The following OTUD7A variants were observed in gnomAD, a reference collection of about 807,000 sequenced individuals.
OTUD7A encodes OTU deubiquitinase 7A, also known as OTU domain-containing protein 7A.
Under a neutral mutation model 65.7 loss-of-function variants are expected in OTUD7A, and 12 were observed. The ratio of observed to expected loss-of-function variants is 0.18; its 90% CI spans 0.12 to 0.30. The LOEUF (loss-of-function observed/expected upper bound fraction) is 0.30. OTUD7A is among the 10% of genes least tolerant of loss of function. OTUD7A has a pLI of 1.00. For missense variants in OTUD7A, 1,148 were observed against 1,304.8 expected, an observed-to-expected ratio of 0.88 and a Z score of 1.85; for synonymous variants, 641 against 586.3, an observed-to-expected ratio of 1.09 and a Z score of -1.35.
intron 1 of OTUD7A, among the ~76,000 whole-genome samples, chr15:31,741,980 A>G (rs113338224): frequency 9.9e-5 from 15 of 152,132 alleles, no homozygotes; most frequent in Admixed American, 1.3e-4. Context: ...TAACGGACAC[A>G]GTCCTAGAAA....
At chr15:31,606,986 T>C (rs369501549) in intron 3 of OTUD7A, among the ~76,000 whole-genome samples, 1 of 152,174 alleles carries the variant, frequency 6.6e-6, no homozygotes, top group East Asian at 1.9e-4. Flanking sequence ...CTTCTGGAAA[T>C]GGTGGAGTAG....
intron 3 of OTUD7A, among the ~76,000 whole-genome samples, chr15:31,585,743 T>C (rs1308059777): frequency 6.6e-6 from 1 of 152,172 alleles, no homozygotes; most frequent in Non-Finnish European, 1.5e-5. Context: ...TGTATACATA[T>C]ATGTGTATAC....
At chr15:31,753,687 A>ATATATATATATAT (rs1894706828) in intron 1 of OTUD7A, among the ~76,000 whole-genome samples, 10 of 13,556 alleles carry the variant, frequency 7.4e-4, no homozygotes, top group South Asian at 3.8e-3. Context: ...AACCTGTGAG[A>ATATATATATATAT]TATATATATA....
At chr15:31,767,472 G>A (rs1313921119) in intron 1 of OTUD7A, 44 of 773,048 alleles carry the variant, frequency 5.7e-5, no homozygotes, top group Non-Finnish European at 9.7e-5. Context: ...CTTCATGGCA[G>A]ATAATACCCA....
intron 1 of OTUD7A, among the ~76,000 whole-genome samples, chr15:31,764,648 A>T (rs1314126037): frequency 2.0e-5 from 3 of 152,178 alleles, no homozygotes; most frequent in Non-Finnish European, 2.9e-5. Context: ...AAATGTTTAT[A>T]AAAAGCATTT....
At chr15:31,842,641 T>C (rs1281892571) in intron 1 of OTUD7A, among the ~76,000 whole-genome samples, 1 of 152,134 alleles carries the variant, frequency 6.6e-6, no homozygotes, top group Admixed American at 6.5e-5. Flanking sequence ...AAACGCACTC[T>C]GAATTCTGAC....
Position 31,571,149 on chromosome 15 carries a change from A to G in OTUD7A, c.152-952T>C, listed in dbSNP as rs533897487. On this transcript the variant is annotated intron_variant, in intron 3 of 12. Transcript: ENST00000307050. ...ATCAAAATATCACATCTGCCCCATC[A>G]ATATACATATTGATGTATGTATATA... Among the ~76,000 whole-genome samples the G allele has an allele frequency of 8.5e-5, 13 of 152,304 alleles. No individual in the cohort carries two copies. The East Asian group carries it at 2.3e-3, about 27-fold the overall frequency.
At chr15:31,811,445 T>TTGTA (rs1232673001) in intron 1 of OTUD7A, among the ~76,000 whole-genome samples, 1 of 151,696 alleles carries the variant, frequency 6.6e-6, no homozygotes, top group Non-Finnish European at 1.5e-5. Context: ...AGTGTGTGCT[T>TTGTA]TGTATGTATG....
chr15:31,584,929 G>A (rs1889484732), intron 3 of OTUD7A, among the ~76,000 whole-genome samples: 1 of 152,152 alleles, frequency 6.6e-6, no homozygotes. Context: ...TATTGATGAG[G>A]AGAAATTAAA....
chr15:31,583,640 A>G (rs1778436974), intron 3 of OTUD7A, among the ~76,000 whole-genome samples: 1 of 151,812 alleles, frequency 6.6e-6, no homozygotes, highest in Non-Finnish European at 1.5e-5. Context: ...GCCACCATGT[A>G]AGACATGACT....
chr15:31,503,597 T>C, intron 9 of OTUD7A, 94 bp downstream of exon 9: 1 of 1,518,952 alleles, frequency 6.6e-7, no homozygotes, highest in Non-Finnish European at 9.1e-7. Context: ...TTGTGGCCTC[T>C]GGGAGCTCGA....
At position 31,559,783 on chromosome 15, in the gene OTUD7A, A is replaced by G. The variant is rs113977403; in HGVS notation, c.332-596T>C. On this transcript the variant is annotated intron_variant, in intron 4 of 12. Transcript: ENST00000307050. Reference sequence around the variant, plus strand: ...CAAATACACAGGACACACAGCGCACATACATGTACATACATGCACAGACTA... The same window carrying G: ...CAAATACACAGGACACACAGCGCACGTACATGTACATACATGCACAGACTA... Among the ~76,000 whole-genome samples the G allele has an allele frequency of 3.7e-4, 57 of 152,298 alleles. 1 individual carries two copies. The highest frequency in any genetic ancestry group is 1.4e-3 in the African/African-American group (57 of 41,556).
intron 1 of OTUD7A, among the ~76,000 whole-genome samples, chr15:31,720,401 A>AT (rs781404973): frequency 0.12 from 15,939 of 132,888 alleles, 1,371 homozygotes; most frequent in East Asian, 0.47. Flanking sequence ...CAGTAACTTC[A>AT]TTTTTTTTTT....
chr15:31,531,184 A>G (rs1237580008), intron 5 of OTUD7A, among the ~76,000 whole-genome samples: 1 of 152,232 alleles, frequency 6.6e-6, no homozygotes, highest in East Asian at 1.9e-4. Context: ...TACCTTTGAA[A>G]GTATAGTTCA....
At chr15:31,588,816 C>T (rs541783867) in intron 3 of OTUD7A, among the ~76,000 whole-genome samples, 6 of 152,334 alleles carry the variant, frequency 3.9e-5, no homozygotes, top group African/African-American at 9.6e-5. Context: ...TCCCTCACAG[C>T]CGAGACTGCT....
intron 3 of OTUD7A, among the ~76,000 whole-genome samples, chr15:31,642,332 G>T (rs1475725257): frequency 3.3e-5 from 5 of 152,136 alleles, no homozygotes; most frequent in Non-Finnish European, 5.9e-5. Context: ...CTTTTTCAGT[G>T]TTTTCACACT....
chr15:31,714,704 C>T (rs1319614665), intron 1 of OTUD7A, among the ~76,000 whole-genome samples: 1 of 152,156 alleles, frequency 6.6e-6, no homozygotes, highest in African/African-American at 2.4e-5. Context: ...TGAAAAACAG[C>T]ATTACTGGCA....
At chr15:31,579,619 C>T (rs540386959) in intron 3 of OTUD7A, among the ~76,000 whole-genome samples, 7 of 152,292 alleles carry the variant, frequency 4.6e-5, no homozygotes, top group Admixed American at 3.9e-4. Context: ...ATTTTCAGAT[C>T]GTGATTGACC....
At chr15:31,659,152 T>C (rs1425563061) in intron 1 of OTUD7A, among the ~76,000 whole-genome samples, 3 of 152,184 alleles carry the variant, frequency 2.0e-5, no homozygotes, top group East Asian at 3.8e-4. Flanking sequence ...GTAGATGTTA[T>C]AACTGGACAC....
Sources: allele counts gnomAD v4.1 joint callset (sites outside exome capture counted in the v4.1 genomes callset), GRCh38; gene constraint gnomAD v4.1.1; transcripts MANE v1.5; gene names NCBI Gene and HGNC (gene_info 2026-07-23, HGNC 2026-07-21).